Variants in CTNNA3 observed in about 807,000 individuals in gnomAD.
CTNNA3 encodes catenin alpha-3.
Under a neutral mutation model 95.7 loss-of-function variants are expected in CTNNA3, and 76 were observed. The ratio of observed to expected loss-of-function variants is 0.79; its 90% CI spans 0.66 to 0.96. CTNNA3 has a LOEUF of 0.96. Among genes scored for constraint, CTNNA3 ranks in the 40% least tolerant of loss-of-function variants. The pLI is 0.00. For missense variants in CTNNA3, 1,191 were observed against 1,089.8 expected (o/e 1.09, Z -1.31); for synonymous variants, 431 against 374.4 (o/e 1.15, Z -1.74).
intron 1 of CTNNA3, among the ~76,000 whole-genome samples, chr10:67,729,794 T>C (rs1841264589): frequency 1.3e-5 from 2 of 152,170 alleles, no homozygotes. Context: ...TGTACAAGGT[T>C]ATAAATGTAC....
Position 67,116,736 on chromosome 10 carries a change from A to G in CTNNA3, c.1047+63581T>C, listed in dbSNP as rs1309113500. ...CAGTTTTGAAAATATATATATATAT[A>G]TATATATAATATATAAAATATGCTT... On this transcript the variant is annotated intron_variant, in intron 7 of 17. Coordinates refer to ENST00000433211, the MANE Select transcript of CTNNA3 (RefSeq NM_013266.4). 6.2e-4 allele frequency among the ~76,000 whole-genome samples: 92 copies of G among 147,742 alleles called. 1 individual carries two copies. Among genetic ancestry groups the G allele is most frequent in the Non-Finnish European group, 1.0e-4 (7 of 66,978 alleles).
At chr10:67,163,058 T>G (rs931281830) in intron 7 of CTNNA3, among the ~76,000 whole-genome samples, 28 of 151,922 alleles carry the variant, frequency 1.8e-4, no homozygotes, top group African/African-American at 6.8e-4. Context: ...GCCAAATATT[T>G]AAACATATGT....
chr10:66,574,625 T>A (rs1314936179), intron 10 of CTNNA3, among the ~76,000 whole-genome samples: 1 of 152,128 alleles, frequency 6.6e-6, no homozygotes, highest in Non-Finnish European at 1.5e-5. Context: ...AAAGGTTGTT[T>A]TTTTTTCCCC....
Position 67,112,060 on chromosome 10 carries a change from T to C in CTNNA3, c.1047+68257A>G, listed in dbSNP as rs772063892. Among the ~76,000 whole-genome samples the C allele has an allele frequency of 5.5e-4, 83 of 152,166 alleles. 4 individuals carry two copies. The highest frequency in any genetic ancestry group is 2.8e-4 in the Non-Finnish European group (19 of 67,998). ...GCATGAAAAGCTATTAAATGAATCA[T>C]TCACACGTTGAATAGATGTTGTCGT... On this transcript the variant is annotated intron_variant, in intron 7 of 17. Transcript: ENST00000433211.
chr10:67,641,447 G>A (rs1224484617), intron 2 of CTNNA3, among the ~76,000 whole-genome samples: 1 of 152,194 alleles, frequency 6.6e-6, no homozygotes, highest in African/African-American at 2.4e-5. Flanking sequence ...AGGTCAGTGT[G>A]GTGATTCCTC....
chr10:66,272,914 C>A (rs1359292911), intron 13 of CTNNA3, among the ~76,000 whole-genome samples: 1 of 152,160 alleles, frequency 6.6e-6, no homozygotes, highest in East Asian at 1.9e-4. Flanking sequence ...ATTTCCATTT[C>A]TGTCTTCCAC....
chr10:66,559,837 A>G (rs751191140), intron 10 of CTNNA3, among the ~76,000 whole-genome samples: 1 of 151,996 alleles, frequency 6.6e-6, no homozygotes, highest in Admixed American at 6.6e-5. Context: ...CTCTTATAAT[A>G]CTACATAGTA....
At chr10:67,149,023 C>G (rs1405442688) in intron 7 of CTNNA3, among the ~76,000 whole-genome samples, 1 of 152,136 alleles carries the variant, frequency 6.6e-6, no homozygotes, top group African/African-American at 2.4e-5. Context: ...TCCACTGTGA[C>G]CATTGTTAAC....
intron 11 of CTNNA3, among the ~76,000 whole-genome samples, chr10:66,487,419 T>A (rs997486731): frequency 1.1e-4 from 16 of 151,918 alleles, no homozygotes; most frequent in Non-Finnish European, 2.2e-4. Flanking sequence ...GCCAGGATGG[T>A]CTCGATCTCC....
intron 13 of CTNNA3, among the ~76,000 whole-genome samples, chr10:66,267,097 A>G (rs1655614214): frequency 6.6e-6 from 1 of 152,092 alleles, no homozygotes; most frequent in Admixed American, 6.6e-5. Flanking sequence ...GAAAGGGATG[A>G]CTATGCTGCC....
intron 2 of CTNNA3, among the ~76,000 whole-genome samples, chr10:67,623,738 G>A (rs1843929079): frequency 6.6e-6 from 1 of 152,090 alleles, no homozygotes; most frequent in Non-Finnish European, 1.5e-5. Flanking sequence ...GGAGCCTAGC[G>A]CCATTCTACC....
At chr10:65,955,340 C>T (rs1214210087) in intron 17 of CTNNA3, among the ~76,000 whole-genome samples, 1 of 152,116 alleles carries the variant, frequency 6.6e-6, no homozygotes, top group East Asian at 1.9e-4. Context: ...CAAACAGGGA[C>T]AATTTGACTT....
chr10:66,572,540 G>T, intron 10 of CTNNA3, among the ~76,000 whole-genome samples: 1 of 151,404 alleles, frequency 6.6e-6, no homozygotes, highest in Non-Finnish European at 1.5e-5. Flanking sequence ...CATTCTGTGT[G>T]GCTAATTGCA....
At chr10:67,545,983 G>A (rs1029623565) in intron 3 of CTNNA3, among the ~76,000 whole-genome samples, 8 of 152,062 alleles carry the variant, frequency 5.3e-5, no homozygotes, top group African/African-American at 1.9e-4. Context: ...AAAATATTTT[G>A]TACAATGTAT....
chr10:66,745,244 C>A (rs1462490053), intron 9 of CTNNA3, among the ~76,000 whole-genome samples: 2 of 152,152 alleles, frequency 1.3e-5, no homozygotes, highest in Non-Finnish European at 2.9e-5. Context: ...GCAGAAGTAA[C>A]CACATAGGTT....
chr10:65,927,477 A>G (rs184485236), intron 17 of CTNNA3, among the ~76,000 whole-genome samples: 296 of 152,310 alleles, frequency 1.9e-3, no homozygotes, highest in African/African-American at 6.7e-3. Context: ...CCCAGGTATC[A>G]GGCATCCACA....
chr10:67,081,196 CAG>C (rs1272192505), intron 7 of CTNNA3, among the ~76,000 whole-genome samples: 9 of 152,050 alleles, frequency 5.9e-5, no homozygotes, highest in South Asian at 4.1e-4. Context: ...AATGTGGAAA[CAG>C]TAATAATTAT....
intron 12 of CTNNA3, among the ~76,000 whole-genome samples, chr10:66,313,537 T>C (rs999795546): frequency 2.0e-5 from 3 of 152,310 alleles, no homozygotes; most frequent in African/African-American, 7.2e-5. Context: ...GCTTGTACAG[T>C]GTCTGGCTCC....
intron 5 of CTNNA3, among the ~76,000 whole-genome samples, chr10:67,313,890 T>G (rs376357647): frequency 3.3e-5 from 5 of 152,172 alleles, no homozygotes; most frequent in African/African-American, 1.2e-4. Context: ...AGAAGTTCTA[T>G]ATTAGACATG....
Sources: gnomAD v4.1 joint callset for allele counts (sites outside exome capture counted in the v4.1 genomes callset) on GRCh38, gnomAD v4.1.1 for gene constraint, MANE v1.5 for transcripts, NCBI Gene and HGNC (gene_info 2026-07-23, HGNC 2026-07-21) for gene names.